Variants in KHDRBS2 observed in about 807,000 individuals in gnomAD.
KHDRBS2 encodes KH domain-containing, RNA-binding, signal transduction-associated protein 2.
In KHDRBS2, 26 loss-of-function variants were observed where a neutral mutation model predicts 44.3. The ratio of observed to expected loss-of-function variants is 0.59; its 90% CI spans 0.43 to 0.81. KHDRBS2 has a LOEUF of 0.81. Among genes scored for constraint, KHDRBS2 ranks in the 40% least tolerant of loss-of-function variants. The pLI is 0.00. For synonymous variants in KHDRBS2, 194 were observed against 151.1 expected (o/e 1.28, Z -2.08); for missense variants, 476 against 433.1 (o/e 1.10, Z -0.88).
chr6:61,577,702 G>A, the KHDRBS2 span, among the ~76,000 whole-genome samples: 1 of 152,084 alleles, frequency 6.6e-6, no homozygotes, highest in East Asian at 1.9e-4. Context: ...TACAATATAT[G>A]TTTTTCATAG....
At chr6:61,881,746 T>C (rs1800238289) in intron 6 of KHDRBS2, among the ~76,000 whole-genome samples, 1 of 152,034 alleles carries the variant, frequency 6.6e-6, no homozygotes, top group African/African-American at 2.4e-5. Context: ...TTCACCATTA[T>C]GGAAGTGTTA....
At chr6:61,618,587 C>T in the KHDRBS2 span, among the ~76,000 whole-genome samples, 36 of 152,202 alleles carry the variant, frequency 2.4e-4, no homozygotes, top group South Asian at 4.2e-4. Flanking sequence ...ACACCTTGTA[C>T]CCATTAGTTA....
chr6:62,048,179 A>G (rs891125246), intron 2 of KHDRBS2, among the ~76,000 whole-genome samples, 185 bp from the exon 3 acceptor site: 1 of 150,894 alleles, frequency 6.6e-6, no homozygotes, highest in African/African-American at 2.4e-5. Context: ...CATTTCAGAT[A>G]TCTAATCTAA....
At position 62,031,312 on chromosome 6, in the gene KHDRBS2, G is replaced by T. The variant is rs148907174; in HGVS notation, c.336+16566C>A. 4.1e-4 allele frequency among the ~76,000 whole-genome samples: 63 copies of T among 152,150 alleles called. No homozygotes were observed. The Middle Eastern group carries it at 0.014, about 33-fold the overall frequency. On this transcript the variant is annotated intron_variant, in intron 3 of 8. Coordinates refer to ENST00000281156, the MANE Select transcript of KHDRBS2 (RefSeq NM_152688.4). ...TCTGAGAATTGCTGGTTTCAGGAGAGACTCAGTACATTCCCAGTTGTGGCA... is the reference window on the plus strand; with the variant it reads ...TCTGAGAATTGCTGGTTTCAGGAGATACTCAGTACATTCCCAGTTGTGGCA...
At chr6:61,820,407 C>T (rs1789709418) in intron 6 of KHDRBS2, among the ~76,000 whole-genome samples, 1 of 151,684 alleles carries the variant, frequency 6.6e-6, no homozygotes, top group Non-Finnish European at 1.5e-5. Context: ...AGATTTTGGG[C>T]TTGAGCAGTG....
At position 62,055,978 on chromosome 6, in the gene KHDRBS2, A is replaced by G. The variant is rs78810306; in HGVS notation, c.220-7984T>C. On this transcript the variant is annotated intron_variant, in intron 2 of 8. Coordinates refer to ENST00000281156, the MANE Select transcript of KHDRBS2 (RefSeq NM_152688.4). ...TCTTTCCTCAAACTTCCAGTCTGTG[A>G]TCATGACAGGCTTCATAGAATATCC... is the stretch of plus-strand genomic sequence containing the variant. 4.9e-4 allele frequency among the ~76,000 whole-genome samples: 74 copies of G among 152,072 alleles called. No individual in the cohort carries two copies. The East Asian group carries it at 0.014, about 29-fold the overall frequency.
At chr6:62,167,531 T>C (rs1327862952) in intron 2 of KHDRBS2, among the ~76,000 whole-genome samples, 5 of 152,130 alleles carry the variant, frequency 3.3e-5, no homozygotes, top group Non-Finnish European at 5.9e-5. Flanking sequence ...GGAGAGAATA[T>C]GGTCTACAGC....
At chr6:61,693,055 T>C (rs1259802917) in intron 8 of KHDRBS2, among the ~76,000 whole-genome samples, 12 of 152,126 alleles carry the variant, frequency 7.9e-5, no homozygotes, top group Admixed American at 5.9e-4. Flanking sequence ...ACTGGAGATA[T>C]GAGATTTATA....
the KHDRBS2 span, among the ~76,000 whole-genome samples, chr6:61,583,839 A>C: frequency 6.6e-6 from 1 of 151,682 alleles, no homozygotes; most frequent in Non-Finnish European, 1.5e-5. Flanking sequence ...CTTCCAACCC[A>C]TAAACACAGT....
intron 6 of KHDRBS2, among the ~76,000 whole-genome samples, chr6:61,764,250 G>C (rs1371270180): frequency 6.6e-6 from 1 of 152,172 alleles, no homozygotes; most frequent in African/African-American, 2.4e-5. Flanking sequence ...CATTTGGGTT[G>C]ATTCCATATC....
chr6:61,911,472 C>T (rs2151966), intron 4 of KHDRBS2, among the ~76,000 whole-genome samples: 28,974 of 152,018 alleles, frequency 0.19, 2,948 homozygotes, highest in Non-Finnish European at 0.23. Flanking sequence ...TAAAATAGTA[C>T]GCAAGGATCG....
At chr6:61,990,407 A>C (rs1339879405) in intron 3 of KHDRBS2, among the ~76,000 whole-genome samples, 2 of 152,230 alleles carry the variant, frequency 1.3e-5, no homozygotes, top group African/African-American at 2.4e-5. Context: ...AAAAATGAAT[A>C]ATGAATGTGA....
intron 3 of KHDRBS2, among the ~76,000 whole-genome samples, chr6:62,037,224 G>A (rs1211365264): frequency 6.6e-6 from 1 of 151,920 alleles, no homozygotes; most frequent in East Asian, 1.9e-4. Context: ...TATTAACTCA[G>A]CAAAGGTAGG....
chr6:62,090,199 C>A (rs1799234304), intron 2 of KHDRBS2, among the ~76,000 whole-genome samples: 1 of 152,208 alleles, frequency 6.6e-6, no homozygotes. Context: ...TTAACAAGAA[C>A]TATTTAAGGA....
chr6:62,256,928 A>G lies in KHDRBS2; in HGVS notation c.91+28930T>C, dbSNP rs577180817. Among the ~76,000 whole-genome samples the G allele has an allele frequency of 2.1e-4, 32 of 152,198 alleles. 1 individual carries two copies. The South Asian group carries it at 6.6e-3, about 32-fold the overall frequency. On this transcript the variant is annotated intron_variant, in intron 1 of 8. Coordinates refer to ENST00000281156, the MANE Select transcript of KHDRBS2 (RefSeq NM_152688.4). ...TGTGCACCATTAGTTGGTTGTGCAG[A>G]TGCTTAACAAGGTAGTGGTAGAGGA...
intron 1 of KHDRBS2, among the ~76,000 whole-genome samples, chr6:62,283,189 T>G (rs1202592250): frequency 3.3e-5 from 5 of 152,116 alleles, no homozygotes; most frequent in African/African-American, 9.7e-5. Context: ...AACTTCAAAC[T>G]ACATTATTCA....
At chr6:62,135,231 G>A (rs1041879090) in intron 2 of KHDRBS2, among the ~76,000 whole-genome samples, 13 of 152,122 alleles carry the variant, frequency 8.5e-5, no homozygotes, top group African/African-American at 2.9e-4. Context: ...AGTCTCATGA[G>A]ATCCAATAGT....
At position 62,173,196 on chromosome 6, in the gene KHDRBS2, G is replaced by GA. The variant is rs888509563; in HGVS notation, c.219+3988dup. ...ATAAACCACTAGCTAGACTAATAAA[G>GA]AAAAAAAAAAAAGAGATGATCCAAG... On this transcript the variant is annotated intron_variant, in intron 2 of 8. Transcript: ENST00000281156. 6.3e-3 allele frequency among the ~76,000 whole-genome samples: 781 copies of GA among 123,364 alleles called. 9 individuals carry two copies. Among genetic ancestry groups the GA allele is most frequent in the African/African-American group, 0.019 (654 of 33,838 alleles). The allele number at this position is 123,364 out of a possible 152,430, so 80.9% of individuals were successfully genotyped here.
intron 6 of KHDRBS2, among the ~76,000 whole-genome samples, chr6:61,877,942 TAAA>T (rs1267661569): frequency 1.3e-5 from 2 of 151,972 alleles, no homozygotes; most frequent in African/African-American, 4.8e-5. Flanking sequence ...GTGGATGAAT[TAAA>T]AATGATTTAT....
Sources: gnomAD v4.1 joint callset for allele counts (sites outside exome capture counted in the v4.1 genomes callset) on GRCh38, gnomAD v4.1.1 for gene constraint, MANE v1.5 for transcripts, NCBI Gene and HGNC (gene_info 2026-07-23, HGNC 2026-07-21) for gene names.